Variants in TRABD2A observed in about 807,000 individuals in gnomAD.
TRABD2A encodes metalloprotease TIKI1.
TRABD2A carries 43 observed loss-of-function variants against 45.6 expected under a neutral mutation model. The ratio of observed to expected loss-of-function variants is 0.94; its 90% confidence interval spans 0.74 to 1.22. The LOEUF is 1.22. Among genes scored for constraint, TRABD2A ranks in the 50% most tolerant of loss-of-function variants. The probability of loss-of-function intolerance (pLI) is 0.00; values close to 1 mark genes in which losing one functional copy is unlikely to be tolerated. For missense variants in TRABD2A, 642 were observed against 652.4 expected, an observed-to-expected ratio of 0.98 and a Z score of 0.17; for synonymous variants, 269 against 265.0, an observed-to-expected ratio of 1.02 and a Z score of -0.15.
chr2:84,853,817 C>T (rs1682180618), intron 2 of TRABD2A, among the ~76,000 whole-genome samples: 2 of 152,164 alleles, frequency 1.3e-5, no homozygotes, highest in South Asian at 4.1e-4. Flanking sequence ...GTCAGGATTT[C>T]GAGACCAGCC....
At chr2:84,876,244 T>C (rs769354033) in intron 1 of TRABD2A, among the ~76,000 whole-genome samples, 2 of 152,138 alleles carry the variant, frequency 1.3e-5, no homozygotes, top group Admixed American at 1.3e-4. Flanking sequence ...ATCATCACCA[T>C]GTAGATGTTC....
chr2:84,857,596 T>A (rs1261124550), intron 2 of TRABD2A, among the ~76,000 whole-genome samples: 2 of 152,226 alleles, frequency 1.3e-5, no homozygotes, highest in Admixed American at 6.5e-5. Flanking sequence ...GCAATATCCA[T>A]GATCAGCATC....
chr2:84,874,483 G>C (rs1227593024), intron 1 of TRABD2A, among the ~76,000 whole-genome samples: 1 of 152,220 alleles, frequency 6.6e-6, no homozygotes, highest in East Asian at 1.9e-4. Flanking sequence ...ACAGTTCCCT[G>C]TTGGTGCCAA....
chr2:84,831,817 A>G (rs1012191550), intron 5 of TRABD2A, among the ~76,000 whole-genome samples: 1 of 152,198 alleles, frequency 6.6e-6, no homozygotes, highest in Non-Finnish European at 1.5e-5. Flanking sequence ...ACCACTGAGG[A>G]AAACGCCAGT....
chr2:84,854,099 A>G (rs1398812683), intron 2 of TRABD2A, among the ~76,000 whole-genome samples: 1 of 150,734 alleles, frequency 6.6e-6, no homozygotes, highest in East Asian at 1.9e-4. Context: ...AAATAATACA[A>G]TTTTTAAAAA....
chr2:84,862,817 G>C lies in TRABD2A; in HGVS notation c.669+7408C>G, dbSNP rs556271537. On this transcript the variant is annotated intron_variant, in intron 2 of 6. Coordinates refer to ENST00000409520, the MANE Select transcript of TRABD2A (RefSeq NM_001277053.2). Reference sequence around the variant, plus strand: ...AGTCCTGAGCAGGCCTGTGCCCAGGGGGAAGCAGAGCTAAAGTCTGCACCT... The same window carrying C: ...AGTCCTGAGCAGGCCTGTGCCCAGGCGGAAGCAGAGCTAAAGTCTGCACCT... Among the ~76,000 whole-genome samples the C allele has an allele frequency of 8.9e-4, 136 of 152,248 alleles. No homozygotes were observed. In the Middle Eastern group the frequency reaches 0.01, roughly 11 times the overall value.
chr2:84,827,316 A>G (rs1176609418), intron 5 of TRABD2A, among the ~76,000 whole-genome samples: 1 of 152,190 alleles, frequency 6.6e-6, no homozygotes, highest in African/African-American at 2.4e-5. Context: ...TGACAAGGAA[A>G]AGACCCCAGG....
chr2:84,831,436 T>C (rs930008496), intron 5 of TRABD2A, among the ~76,000 whole-genome samples: 2 of 151,938 alleles, frequency 1.3e-5, no homozygotes, highest in Admixed American at 6.6e-5. Flanking sequence ...GGACGACCAG[T>C]TGGGAGGCCA....
chr2:84,862,372 A>C (rs193142844), intron 2 of TRABD2A, among the ~76,000 whole-genome samples: 1 of 152,202 alleles, frequency 6.6e-6, no homozygotes, highest in Non-Finnish European at 1.5e-5. Context: ...TCCACCAAGC[A>C]GGTGTCAAGG....
chr2:84,863,110 C>T (rs920695585), intron 2 of TRABD2A, among the ~76,000 whole-genome samples: 1 of 152,130 alleles, frequency 6.6e-6, no homozygotes, highest in African/African-American at 2.4e-5. Flanking sequence ...CCGACAGTAA[C>T]TGCAGCACTT....
chr2:84,880,849 G>A, intron 1 of TRABD2A, 83 bp downstream of exon 1: 11 of 1,535,304 alleles, frequency 7.2e-6, no homozygotes, highest in Non-Finnish European at 9.7e-6. Flanking sequence ...GGGTCCGAAA[G>A]CGCTGCTTCG....
chr2:84,822,745 G>C (rs1449932166), intron 6 of TRABD2A, among the ~76,000 whole-genome samples: 1 of 152,170 alleles, frequency 6.6e-6, no homozygotes, highest in African/African-American at 2.4e-5. Flanking sequence ...ATCAGAAGCT[G>C]TCCCCATTCT....
intron 2 of TRABD2A, among the ~76,000 whole-genome samples, chr2:84,856,257 A>G (rs1682299603): frequency 6.6e-6 from 1 of 151,970 alleles, no homozygotes; most frequent in Non-Finnish European, 1.5e-5. Context: ...GTCTCCGTGC[A>G]GTGGGGAGGT....
At chr2:84,877,071 C>G (rs746863164) in intron 1 of TRABD2A, among the ~76,000 whole-genome samples, 4 of 152,130 alleles carry the variant, frequency 2.6e-5, no homozygotes, top group Admixed American at 6.5e-5. Flanking sequence ...CAAAGGGCAC[C>G]CGGATTCCCA....
At chr2:84,824,244 C>T (rs1234627750) in intron 5 of TRABD2A, 40 bp from the exon 6 acceptor site, 1 of 1,610,438 alleles carries the variant, frequency 6.2e-7, no homozygotes. Flanking sequence ...GGAGGAGGGT[C>T]ACACAGCATG....
intron 1 of TRABD2A, among the ~76,000 whole-genome samples, chr2:84,878,236 A>G (rs755826830): frequency 2.0e-4 from 30 of 152,146 alleles, no homozygotes; most frequent in Non-Finnish European, 4.3e-4. Context: ...GCAAGTATAA[A>G]AGGCATCAGG....
intron 2 of TRABD2A, among the ~76,000 whole-genome samples, chr2:84,860,014 A>G (rs1345761293): frequency 6.6e-6 from 1 of 151,960 alleles, no homozygotes; most frequent in South Asian, 2.1e-4. Context: ...GAACTTTGCT[A>G]TAAGAGAATT....
chr2:84,861,791 C>T lies in TRABD2A; in HGVS notation c.669+8434G>A, dbSNP rs1399396739. On this transcript the variant is annotated intron_variant, in intron 2 of 6. Coordinates refer to ENST00000409520, the MANE Select transcript of TRABD2A (RefSeq NM_001277053.2). Reference sequence around the variant, plus strand: ...CTCAGCGATAAACAACCTCACCTGCCCAAAGCACCCGCAAGAGCAGAAGCT... The same window carrying T: ...CTCAGCGATAAACAACCTCACCTGCTCAAAGCACCCGCAAGAGCAGAAGCT... 2.0e-5 allele frequency among the ~76,000 whole-genome samples: 3 copies of T among 152,168 alleles called. No individual in the cohort carries two copies. The East Asian group carries it at 5.8e-4, about 29-fold the overall frequency.
At position 84,839,301 on chromosome 2, in the gene TRABD2A, G is replaced by A. The variant is rs768945773; in HGVS notation, c.839C>T (p.Thr280Met). ...AGTGATGCGCTCCTGAGGTGGTAGC[G>A]TGGCATTAATAAAATTGGGAACCTC... ...SSQVPNFINA[T>M]LPPQERITAQ... is the part of the protein sequence containing the mutation. The change falls in exon 4 of 7, where the codon ACG becomes ATG. Residue 280 changes from threonine (T) to methionine (M), a missense_variant. Thr to Met is a moderately conservative substitution (Grantham distance 81). Coordinates refer to ENST00000409520, the MANE Select transcript of TRABD2A (RefSeq NM_001277053.2). The A allele has an allele frequency of 4.8e-5, 77 of 1,609,822 alleles. No individual in the cohort carries two copies. The highest frequency in any genetic ancestry group is 5.9e-5 in the Non-Finnish European group (69 of 1,178,432).
Sources: allele counts gnomAD v4.1 joint callset (sites outside exome capture counted in the v4.1 genomes callset), GRCh38; gene constraint gnomAD v4.1.1; transcripts MANE v1.5; gene names NCBI Gene and HGNC (gene_info 2026-07-23, HGNC 2026-07-21).